The following CNOT6 variants were observed in gnomAD, a reference collection of about 807,000 sequenced individuals.
CNOT6 encodes the protein carbon catabolite repression 4 protein.
In CNOT6, 12 loss-of-function variants were observed where a neutral mutation model predicts 61.2. The ratio of observed to expected loss-of-function variants is 0.20; its 90% confidence interval spans 0.13 to 0.32. CNOT6 has a LOEUF of 0.32. CNOT6 is among the 10% of genes least tolerant of loss of function. The pLI is 1.00. For synonymous variants in CNOT6, 225 were observed against 240.6 expected (o/e 0.94, Z 0.60); for missense variants, 405 against 663.9 (o/e 0.61, Z 4.28).
intron 1 of CNOT6, among the ~76,000 whole-genome samples, chr5:180,527,532 G>A (rs1272149464): frequency 6.6e-6 from 1 of 152,152 alleles, no homozygotes; most frequent in African/African-American, 2.4e-5. Context: ...GTCCTGTGGT[G>A]TTATTTTAAA....
intron 2 of CNOT6, among the ~76,000 whole-genome samples, chr5:180,540,664 G>A (rs574018395): frequency 1.3e-5 from 2 of 152,302 alleles, no homozygotes; most frequent in Admixed American, 1.3e-4. Flanking sequence ...GGTAGGTTAA[G>A]TATATTAAAT....
chr5:180,561,766 G>A (rs574427029), intron 4 of CNOT6, among the ~76,000 whole-genome samples: 1 of 152,102 alleles, frequency 6.6e-6, no homozygotes, highest in Non-Finnish European at 1.5e-5. Flanking sequence ...CTCTTCACGC[G>A]GCCTCCACAG....
At chr5:180,566,080 A>C in intron 7 of CNOT6, 103 bp downstream of exon 7, 3 of 1,081,650 alleles carry the variant, frequency 2.8e-6, no homozygotes, top group Non-Finnish European at 3.9e-6. Context: ...GTAGTTCTTA[A>C]AGTACTGCTT....
At position 180,574,490 on chromosome 5, in the gene CNOT6, G is replaced by A; in HGVS notation, c.*290G>A. On this transcript the variant is annotated 3_prime_UTR_variant, in exon 12 of 12. Coordinates refer to ENST00000261951, the MANE Select transcript of CNOT6 (RefSeq NM_001370472.1). Reference sequence around the variant, plus strand: ...TACCCAATAGAATATTTTCATGCCTGGAAATAGGAAAATGTGTGAACAGCG... The same window carrying A: ...TACCCAATAGAATATTTTCATGCCTAGAAATAGGAAAATGTGTGAACAGCG... 2.3e-6 allele frequency: 1 copy of A among 435,298 alleles called. No homozygotes were observed. Among genetic ancestry groups the A allele is most frequent in the Non-Finnish European group, 4.2e-6 (1 of 237,528 alleles). 27.0% of individuals were successfully genotyped at this position (435,298 alleles called of 1,614,324 possible).
At chr5:180,550,407 ACCG>A (rs1316774865) in intron 3 of CNOT6, among the ~76,000 whole-genome samples, 4 of 152,074 alleles carry the variant, frequency 2.6e-5, no homozygotes, top group Admixed American at 2.0e-4. Context: ...CCGAGATCAC[ACCG>A]CTGCACTCCA....
At chr5:180,522,909 G>A (rs1262857875) in intron 1 of CNOT6, among the ~76,000 whole-genome samples, 4 of 152,130 alleles carry the variant, frequency 2.6e-5, no homozygotes, top group Non-Finnish European at 4.4e-5. Flanking sequence ...GTGTTTGCCC[G>A]CATTCTGTGA....
chr5:180,529,320 A>G lies in CNOT6; in HGVS notation c.44A>G (p.Tyr15Cys), dbSNP rs779318643. 4.3e-6 allele frequency: 7 copies of G among 1,613,650 alleles called. No individual in the cohort carries two copies. The Admixed American group carries it at 6.7e-5, about 15-fold the overall frequency. ...KYEPPDPRRM[Y>C]TIMSSEEAAN... The stretch of plus-strand genomic sequence containing the variant: ...GAGCCCCCTGACCCTCGGAGGATGT[A>G]TACAATTATGTCTTCTGAGGAAGCA... Residue 15 changes from tyrosine to cysteine, a missense_variant, in exon 2 of 12, where the codon TAT becomes TGT. Around this residue, in one of 5 missense-constraint regions of CNOT6, gnomAD observed 212 missense variants for 307.1 expected, o/e 0.69. Coordinates refer to ENST00000261951, the MANE Select transcript of CNOT6 (RefSeq NM_001370472.1).
At chr5:180,544,741 G>A (rs1017916976) in intron 2 of CNOT6, among the ~76,000 whole-genome samples, 1 of 152,218 alleles carries the variant, frequency 6.6e-6, no homozygotes, top group African/African-American at 2.4e-5. Flanking sequence ...CAGGAGCTCT[G>A]TTTGCTTCTT....
Position 180,577,019 on chromosome 5 carries a change from T to A in CNOT6, c.*2819T>A, listed in dbSNP as rs1303217482. ...AATCTCCTGAAGTACAGCTTTACCA[T>A]ATTAGTGGTCATTATTTATGCTTTG... On this transcript the variant is annotated 3_prime_UTR_variant, in exon 12 of 12. Transcript: ENST00000261951. 4 of 152,750 alleles carry A rather than the reference T, an allele frequency of 2.6e-5. No individual in the cohort carries two copies. The highest frequency in any genetic ancestry group is 9.6e-5 in the African/African-American group (4 of 41,576). 9.5% of individuals were successfully genotyped at this position (152,750 alleles called of 1,614,324 possible).
In CNOT6 at chr5:180,569,288, T is replaced by C. The variant is rs2127765965; in HGVS notation, c.1206T>C (p.Phe402=). 2.5e-6 allele frequency: 4 copies of C among 1,614,204 alleles called. No individual in the cohort carries two copies. The South Asian group carries it at 3.3e-5, about 13-fold the overall frequency. The change falls in exon 10 of 12, where the codon TTT becomes TTC. Residue 402 remains phenylalanine (F), a synonymous_variant. Coordinates refer to ENST00000261951, the MANE Select transcript of CNOT6 (RefSeq NM_001370472.1). ...TCAAATCCAGTGTTTTGGGAGAATTTGGAACTATTCCACTTGTGTTATGTG... is the reference window on the plus strand; with the variant it reads ...TCAAATCCAGTGTTTTGGGAGAATTCGGAACTATTCCACTTGTGTTATGTG... The part of the protein sequence containing the change: ...RNLKSSVLGE[F]GTIPLVLCAD...
chr5:180,500,426 T>G (rs192209423), intron 1 of CNOT6, among the ~76,000 whole-genome samples: 385 of 125,084 alleles, frequency 3.1e-3, no homozygotes, highest in Middle Eastern at 0.021. Context: ...TCACGTTTTC[T>G]TTTTCTTTTC....
rs1354213875 is a variant in CNOT6, at chr5:180,567,156, C to T, written c.786C>T (p.Phe262=). ...TGAAAGAACGTGGCTATAATGGATT[C>T]TTCAGTCCTAAGTCTAGAGCTAGGA... ...VELKERGYNG[F]FSPKSRARTM... The change falls in exon 8 of 12, where the codon TTC becomes TTT. Residue 262 remains phenylalanine (F), a synonymous_variant. Transcript: ENST00000261951. 1 of 1,613,716 alleles carries T rather than the reference C, an allele frequency of 6.2e-7. No homozygotes were observed. The highest frequency in any genetic ancestry group is 1.3e-5 in the African/African-American group (1 of 74,884).
intron 2 of CNOT6, 146 bp downstream of exon 2, chr5:180,529,534 T>C (rs1758254117): frequency 3.1e-6 from 2 of 637,086 alleles, no homozygotes; most frequent in African/African-American, 1.9e-5. Flanking sequence ...TAGTAACTTA[T>C]CTTAGAAGCA....
intron 4 of CNOT6, among the ~76,000 whole-genome samples, chr5:180,558,510 T>TAA (rs71591502): frequency 0.16 from 22,374 of 139,630 alleles, 1,901 homozygotes; most frequent in Non-Finnish European, 0.19. Context: ...AGAAACACCT[T>TAA]AAAAAAAAAA....
Position 180,551,452 on chromosome 5 carries a change from G to C in CNOT6, c.299+1335G>C, listed in dbSNP as rs372040190. On this transcript the variant is annotated intron_variant, in intron 3 of 11. Coordinates refer to ENST00000261951, the MANE Select transcript of CNOT6 (RefSeq NM_001370472.1). ...AGGGTCTCACTATGTTGCCCAGGCA[G>C]GTCTTAAACTCCTAGCCTCAAAAGA... Among the ~76,000 whole-genome samples the C allele has an allele frequency of 4.1e-4, 62 of 152,294 alleles. 1 individual carries two copies. The South Asian group carries it at 0.013, about 32-fold the overall frequency.
intron 1 of CNOT6, among the ~76,000 whole-genome samples, chr5:180,501,820 A>T (rs953142870): frequency 1.3e-5 from 2 of 152,184 alleles, no homozygotes; most frequent in African/African-American, 4.8e-5. Context: ...GAGAGAGGTC[A>T]TAGTGCCAAG....
At position 180,550,012 on chromosome 5, in the gene CNOT6, G is replaced by A. The variant is rs773441129; in HGVS notation, c.194G>A (p.Arg65Gln). The change falls in exon 3 of 12, where the codon CGA (arginine) becomes CAA (glutamine). Residue 65 changes from arginine (R) to glutamine (Q), a missense_variant. Physicochemically the swap from Arg to Gln is conservative, Grantham distance 43. Coordinates refer to ENST00000261951, the MANE Select transcript of CNOT6 (RefSeq NM_001370472.1). The part of the protein sequence containing the change: ...ALHLSDNSLS[R>Q]IPSDIAKLHN... ...CATTTGAGTGACAATTCCCTGTCCC[G>A]AATTCCTTCAGACATTGCCAAGCTT... 29 of 1,613,838 alleles carry A rather than the reference G, an allele frequency of 1.8e-5. No homozygotes were observed. In the Middle Eastern group the frequency reaches 1.3e-3, roughly 73 times the overall value.
Position 180,574,939 on chromosome 5 carries a change from G to T in CNOT6, c.*739G>T, listed in dbSNP as rs1157067532. Reference sequence around the variant, plus strand: ...TTCAGACCAGAGGCAACTTATTCATGAATTTTTATGAAAACTATCTACTAG... The same window carrying T: ...TTCAGACCAGAGGCAACTTATTCATTAATTTTTATGAAAACTATCTACTAG... On this transcript the variant is annotated 3_prime_UTR_variant, in exon 12 of 12. Transcript: ENST00000261951. 6.5e-6 allele frequency: 1 copy of T among 152,676 alleles called. No individual in the cohort carries two copies. Among genetic ancestry groups the T allele is most frequent in the East Asian group, 1.9e-4 (1 of 5,204 alleles). The allele number at this position is 152,676 out of a possible 1,614,324, so 9.5% of individuals were successfully genotyped here.
chr5:180,542,413 C>T (rs552456915), intron 2 of CNOT6, among the ~76,000 whole-genome samples: 10 of 151,994 alleles, frequency 6.6e-5, no homozygotes, highest in East Asian at 1.9e-4. Flanking sequence ...TACAGGCCCG[C>T]GCCACCACAC....
Sources: gnomAD v4.1 joint callset for allele counts (sites outside exome capture counted in the v4.1 genomes callset) on GRCh38, gnomAD v4.1.1 for gene constraint, gnomAD v4.1.1 regional missense constraint, MANE v1.5 for transcripts, NCBI Gene and HGNC (gene_info 2026-07-23, HGNC 2026-07-21) for gene names.